Variants in ALDH1L1 observed in about 807,000 individuals in gnomAD.
The protein encoded by ALDH1L1 is cytosolic 10-formyltetrahydrofolate dehydrogenase.
Under a neutral mutation model 101.1 loss-of-function variants are expected in ALDH1L1, and 68 were observed. That is an observed-to-expected ratio of 0.67 (90% CI 0.55 to 0.82). The LOEUF is 0.82. Ranked by LOEUF, ALDH1L1 falls within the 40% of genes least tolerant of loss-of-function variation. ALDH1L1 has a pLI of 0.00. For synonymous variants in ALDH1L1, 486 were observed against 470.8 expected (o/e 1.03, Z -0.42); for missense variants, 1,087 against 1,172.7 (o/e 0.93, Z 1.07).
chr3:126,167,101 G>C (rs756615814), intron 1 of ALDH1L1, among the ~76,000 whole-genome samples: 40 of 151,978 alleles, frequency 2.6e-4, no homozygotes, highest in Non-Finnish European at 5.3e-4. Flanking sequence ...ATAAATTCAA[G>C]TTATTATACT....
rs1384531490 is a variant in ALDH1L1 at position 126,131,450 on chromosome 3, C to G, written c.1557G>C (p.Leu519=). 4 of 1,613,504 alleles carry G rather than the reference C, an allele frequency of 2.5e-6. No individual in the cohort carries two copies. The East Asian group carries it at 8.9e-5, about 36-fold the overall frequency. The change falls in exon 13 of 23, where the codon CTG becomes CTC. Residue 519 remains leucine (L), a synonymous_variant. Coordinates refer to ENST00000393434, the MANE Select transcript of ALDH1L1 (RefSeq NM_012190.4). ...GGATGGACATGCCCACGTGGGTCTT[C>G]AGGGCCAGCGTGTAGACGGCACCCG... The part of the protein sequence containing the change: ...LDAGAVYTLA[L]KTHVGMSIQT...
At chr3:126,181,996 A>G (rs1172746231), upstream of ALDH1L1, among the ~76,000 whole-genome samples, 2 of 152,148 alleles carry the variant, frequency 1.3e-5, no homozygotes, top group Non-Finnish European at 1.5e-5. Flanking sequence ...ATCTTTGTCC[A>G]GAGAACCCCC....
At chr3:126,182,665 T>C (rs2081487260), upstream of ALDH1L1, among the ~76,000 whole-genome samples, 2 of 151,978 alleles carry the variant, frequency 1.3e-5, no homozygotes, top group Admixed American at 1.3e-4. Context: ...GGAGTTAAAA[T>C]TGAGAAGGCA....
At chr3:126,183,882 G>A (rs1216923980), upstream of ALDH1L1, among the ~76,000 whole-genome samples, 2 of 152,202 alleles carry the variant, frequency 1.3e-5, no homozygotes, top group Non-Finnish European at 2.9e-5. Flanking sequence ...ATTCTACAGT[G>A]GGATGAGGCT....
At chr3:126,154,072 C>G (rs2080859099) in intron 6 of ALDH1L1, among the ~76,000 whole-genome samples, 2 of 152,182 alleles carry the variant, frequency 1.3e-5, no homozygotes, top group South Asian at 4.1e-4. Flanking sequence ...GGGGACAAGA[C>G]TGCCCTCAAG....
intron 19 of ALDH1L1, among the ~76,000 whole-genome samples, chr3:126,111,927 G>C (rs150016801): frequency 2.0e-5 from 3 of 152,186 alleles, no homozygotes; most frequent in African/African-American, 7.2e-5. Context: ...GGCCTGGCTC[G>C]TGTCAACCCC....
At position 126,124,257 on chromosome 3, in the gene ALDH1L1, T is replaced by C. The variant is rs1017052562; in HGVS notation, c.1888+107A>G. 1.7e-5 allele frequency: 17 copies of C among 1,011,228 alleles called. No homozygotes were observed. In the Admixed American group the frequency reaches 1.7e-4, roughly 10 times the overall value. The allele number at this position is 1,011,228 out of a possible 1,614,324, so 62.6% of individuals were successfully genotyped here. A position where few individuals can be genotyped will look rare whatever the true frequency, so the allele number is the denominator to read the frequency against. ...CACAGGCTGGCCCCCGCCTGGGCTCTCCCCAGGCTACTCTGCCCTCACGCC... is the reference window on the plus strand; with the variant it reads ...CACAGGCTGGCCCCCGCCTGGGCTCCCCCCAGGCTACTCTGCCCTCACGCC... On this transcript the variant is annotated intron_variant, in intron 16 of 22. Coordinates refer to ENST00000393434, the MANE Select transcript of ALDH1L1 (RefSeq NM_012190.4).
At chr3:126,185,231 T>C (rs533495226), upstream of ALDH1L1, among the ~76,000 whole-genome samples, 63 of 152,244 alleles carry the variant, frequency 4.1e-4, no homozygotes, top group African/African-American at 1.3e-3. Context: ...CCATGCCAAA[T>C]CTAACCTGGG....
upstream of ALDH1L1, among the ~76,000 whole-genome samples, chr3:126,181,739 T>C (rs151097331): frequency 3.8e-3 from 580 of 152,372 alleles, 4 homozygotes; most frequent in Middle Eastern, 0.014. Flanking sequence ...TTCACTGTTG[T>C]ATCCCCAATA....
chr3:126,177,468 A>G (rs1028856475), intron 1 of ALDH1L1, among the ~76,000 whole-genome samples: 2 of 152,108 alleles, frequency 1.3e-5, no homozygotes, highest in African/African-American at 4.8e-5. Flanking sequence ...AAGGCTATAT[A>G]CCATATGATT....
At chr3:126,184,847 G>A (rs2081503822), upstream of ALDH1L1, among the ~76,000 whole-genome samples, 1 of 152,154 alleles carries the variant, frequency 6.6e-6, no homozygotes, top group African/African-American at 2.4e-5. Flanking sequence ...ATCAAAGCGG[G>A]GAGGCCAAGT....
intron 1 of ALDH1L1, among the ~76,000 whole-genome samples, chr3:126,192,843 G>A (rs1390592648): frequency 1.3e-5 from 2 of 152,138 alleles, no homozygotes; most frequent in Non-Finnish European, 1.5e-5. Flanking sequence ...TTCGTGAATC[G>A]GGCAGCCCCC....
intron 5 of ALDH1L1, 77 bp from the exon 6 acceptor site, chr3:126,154,720 A>G: frequency 7.3e-7 from 1 of 1,377,582 alleles, no homozygotes. Context: ...TGGACAGTGG[A>G]CCAAGCTCTT....
chr3:126,190,010 C>A (rs2081542971), intron 1 of ALDH1L1, among the ~76,000 whole-genome samples: 1 of 152,168 alleles, frequency 6.6e-6, no homozygotes, highest in African/African-American at 2.4e-5. Context: ...TGTTTAACTG[C>A]TTTAGAGTTT....
At chr3:126,130,405 G>C in intron 13 of ALDH1L1, 112 bp from the exon 14 acceptor site, 1 of 904,160 alleles carries the variant, frequency 1.1e-6, no homozygotes, top group Non-Finnish European at 1.5e-6. Flanking sequence ...GACCAGCTTA[G>C]GTGTGACCTG....
At chr3:126,180,330 G>T in intron 1 of ALDH1L1, 146 bp downstream of exon 1, 1 of 522,106 alleles carries the variant, frequency 1.9e-6, no homozygotes, top group Non-Finnish European at 2.5e-6. Flanking sequence ...CGGCGTCCCA[G>T]CGGCGAAGTT....
intron 20 of ALDH1L1, 53 bp downstream of exon 20, chr3:126,109,891 A>G: frequency 6.2e-7 from 1 of 1,600,590 alleles, no homozygotes; most frequent in Admixed American, 1.7e-5. Context: ...ACCAGAGGCC[A>G]TGGGACCTGC....
At chr3:126,105,999 C>A in intron 21 of ALDH1L1, 74 bp from the exon 22 acceptor site, 1 of 1,422,562 alleles carries the variant, frequency 7.0e-7, no homozygotes, top group Non-Finnish European at 9.7e-7. Context: ...CACCCCGGCC[C>A]ACTCCACACC....
chr3:126,110,163 A>T (rs987506785), intron 19 of ALDH1L1, 54 bp from the exon 20 acceptor site: 1 of 1,601,988 alleles, frequency 6.2e-7, no homozygotes, highest in Non-Finnish European at 8.5e-7. Flanking sequence ...GTTTCTGACA[A>T]TGATCCTCAC....
Sources: allele counts gnomAD v4.1 joint callset (sites outside exome capture counted in the v4.1 genomes callset), GRCh38; gene constraint gnomAD v4.1.1; transcripts MANE v1.5; gene names NCBI Gene and HGNC (gene_info 2026-07-23, HGNC 2026-07-21).